Variants in IWS1 observed in about 807,000 individuals in gnomAD.
IWS1 encodes the protein protein IWS1 homolog.
IWS1 carries 27 observed loss-of-function variants against 86.7 expected under a neutral mutation model. The observed-to-expected ratio is 0.31, with a 90% CI of 0.23 to 0.43. IWS1 has a LOEUF of 0.43. Ranked by LOEUF, IWS1 falls within the 20% of genes least tolerant of loss-of-function variation. IWS1 has a pLI of 1.00. For synonymous variants in IWS1, 313 were observed against 335.1 expected (o/e 0.93, Z 0.72); for missense variants, 827 against 1,000.8 (o/e 0.83, Z 2.34).
At position 127,496,019 on chromosome 2, in the gene IWS1, G is replaced by T; in HGVS notation, c.1695C>A (p.Val565=). The T allele has an allele frequency of 6.2e-7, 1 of 1,613,190 alleles. No individual in the cohort carries two copies. The highest frequency in any genetic ancestry group is 2.2e-5 in the East Asian group (1 of 44,812). The part of the protein sequence containing the change: ...DADDVVSAMI[V]KMNEAAEEDR... ...TCACCTCAGCAGCTTCATTCATCTTGACGATCATGGCACTCACGACGTCGT... is the reference window on the plus strand; with the variant it reads ...TCACCTCAGCAGCTTCATTCATCTTTACGATCATGGCACTCACGACGTCGT... Residue 565 remains valine (V), a synonymous_variant, in exon 7 of 14, where the codon GTC becomes GTA. Coordinates refer to ENST00000295321, the MANE Select transcript of IWS1 (RefSeq NM_017969.3).
chr2:127,499,693 T>C lies in IWS1; in HGVS notation c.1468-1456A>G, dbSNP rs1690702278. ...TTCTTATTTCACTATTGTCCTGAAT[T>C]AGATTCTAAATTCATCTACCTTCAC... is the stretch of plus-strand genomic sequence containing the variant. On this transcript the variant is annotated intron_variant, in intron 5 of 13. Transcript: ENST00000295321. This position sits in a 1 kb window ranked among gnomAD's most constrained non-coding sequence, Gnocchi z 4.0. 6.6e-6 allele frequency among the ~76,000 whole-genome samples: 1 copy of C among 152,234 alleles called. No homozygotes were observed. The highest frequency in any genetic ancestry group is 2.4e-5 in the African/African-American group (1 of 41,460).
At chr2:127,513,537 A>C (rs1324212988) in intron 2 of IWS1, among the ~76,000 whole-genome samples, 2 of 152,152 alleles carry the variant, frequency 1.3e-5, no homozygotes, top group Non-Finnish European at 2.9e-5. Flanking sequence ...TTTTTTAGTA[A>C]GGGAATATAA....
At chr2:127,514,391 A>G (rs989530703) in intron 2 of IWS1, 8 of 154,508 alleles carry the variant, frequency 5.2e-5, no homozygotes, top group Non-Finnish European at 1.0e-4. Context: ...CCGCTTACCC[A>G]GCAATGGGGG....
intron 1 of IWS1, 86 bp from the exon 2 acceptor site, chr2:127,523,877 G>A (rs933991550): frequency 9.7e-6 from 9 of 923,958 alleles, no homozygotes; most frequent in African/African-American, 1.6e-5. Flanking sequence ...CAAGAATAAC[G>A]TAAGTGCAAA....
At position 127,523,788 on chromosome 2, in the gene IWS1, T is replaced by C; in HGVS notation, c.38A>G (p.Asp13Gly). The C allele has an allele frequency of 1.9e-6, 3 of 1,607,996 alleles. No homozygotes were observed. The highest frequency in any genetic ancestry group is 1.1e-5 in the South Asian group (1 of 90,098). Residue 13 changes from aspartate to glycine, a missense_variant, in exon 2 of 14, where the codon GAT (aspartate) becomes GGT (glycine). Around this residue, in one of 2 missense-constraint regions of IWS1, gnomAD observed 548 missense variants for 560.2 expected, o/e 0.98. Coordinates refer to ENST00000295321, the MANE Select transcript of IWS1 (RefSeq NM_017969.3). Reference protein sequence around the residue: ...SEYYSGDQSDDGGATPVQDER... With the variant: ...SEYYSGDQSDGGGATPVQDER... ...ATCCTGTACTGGGGTAGCACCACCA[T>C]CATCTGATTAAAAACAAAACAAAAA...
chr2:127,526,084 G>A (rs1173097654), intron 1 of IWS1, 91 bp downstream of exon 1: 9 of 1,281,450 alleles, frequency 7.0e-6, no homozygotes, highest in African/African-American at 4.5e-5. Flanking sequence ...GTTTCGGGGG[G>A]CCTCCTTGCC....
chr2:127,492,155 T>G (rs1231942206), intron 9 of IWS1, 67 bp from the exon 10 acceptor site: 1 of 959,696 alleles, frequency 1.0e-6, no homozygotes, highest in Non-Finnish European at 1.7e-6. Context: ...TAGTCTATTC[T>G]AGAGACCTGG....
chr2:127,487,134 T>G (rs1689971161), intron 12 of IWS1, among the ~76,000 whole-genome samples: 1 of 152,200 alleles, frequency 6.6e-6, no homozygotes, highest in South Asian at 2.1e-4. Flanking sequence ...CATCAATTTT[T>G]AATGTTTATT....
intron 7 of IWS1, among the ~76,000 whole-genome samples, chr2:127,495,311 G>C (rs1347869181): frequency 2.6e-5 from 4 of 152,134 alleles, no homozygotes; most frequent in Non-Finnish European, 5.9e-5. Context: ...GAGGTTATAT[G>C]ATATTGGAAT....
chr2:127,491,448 T>G (rs1573511461), intron 10 of IWS1, among the ~76,000 whole-genome samples: 1 of 2,968 alleles, frequency 3.4e-4, no homozygotes, highest in Admixed American at 6.5e-3. Flanking sequence ...TTACTTGCAA[T>G]TTTTTTTTTT....
rs754124824 is a variant in IWS1 at position 127,498,089 on chromosome 2, T to C, written c.1565+51A>G. 7 of 1,393,218 alleles carry C rather than the reference T, an allele frequency of 5.0e-6. No homozygotes were observed. In the South Asian group the frequency reaches 7.2e-5, roughly 14 times the overall value. The allele number at this position is 1,393,218 out of a possible 1,614,324, so 86.3% of individuals were successfully genotyped here. On this transcript the variant is annotated intron_variant, in intron 6 of 13. Coordinates refer to ENST00000295321, the MANE Select transcript of IWS1 (RefSeq NM_017969.3). The stretch of plus-strand genomic sequence containing the variant: ...AAACAAAAGAGAGTTTAATAGTCTC[T>C]ACCTTGATTTTTAAACTTCTCTTTA...
At chr2:127,503,701 T>TAAATAAATAAATAAATAAATA (rs1395146990) in intron 3 of IWS1, 125 bp from the exon 4 acceptor site, 116 of 326,176 alleles carry the variant, frequency 3.6e-4, no homozygotes, top group African/African-American at 2.8e-3. Flanking sequence ...AATAAATAAA[T>TAAATAAATAAATAAATAAATA]AAATAAAATA....
rs372083331 is a variant in IWS1, at chr2:127,489,912, G to A, written c.2079C>T (p.Thr693=). Reference sequence around the variant, plus strand: ...CTCTTGTCATTCCTTTGTAGTTTGAGGTAAGACCAAATATAGGCCTAGACC... The same window carrying A: ...CTCTTGTCATTCCTTTGTAGTTTGAAGTAAGACCAAATATAGGCCTAGACC... ...NEWSRPIFGL[T]SNYKGMTREE... The change falls in exon 11 of 14, where the codon ACC becomes ACT. Residue 693 remains threonine (T), a synonymous_variant. Transcript: ENST00000295321. The surrounding 1 kb of genome is among the most constrained non-coding windows in gnomAD (Gnocchi z 4.8). The A allele has an allele frequency of 5.0e-6, 8 of 1,609,814 alleles. No homozygotes were observed. The African/African-American group carries it at 9.4e-5, about 19-fold the overall frequency.
intron 2 of IWS1, among the ~76,000 whole-genome samples, chr2:127,520,397 G>A (rs1692030381): frequency 6.6e-6 from 1 of 152,094 alleles, no homozygotes; most frequent in Non-Finnish European, 1.5e-5. Context: ...TCGATCTCTT[G>A]ACCTCATGAT....
chr2:127,498,240 A>G lies in IWS1; in HGVS notation c.1468-3T>C, dbSNP rs1341305493. ...TCCAGATCTTCTTGGTTAAAACCCTAAATGCAAAATTATCACAACCTCCTT... is the reference window on the plus strand; with the variant it reads ...TCCAGATCTTCTTGGTTAAAACCCTGAATGCAAAATTATCACAACCTCCTT... On this transcript the variant is annotated splice_polypyrimidine_tract_variant and splice_region_variant and intron_variant, in intron 5 of 13. Transcript: ENST00000295321. The G allele has an allele frequency of 1.9e-6, 3 of 1,603,498 alleles. No individual in the cohort carries two copies. Among genetic ancestry groups the G allele is most frequent in the African/African-American group, 2.7e-5 (2 of 74,618 alleles).
At chr2:127,511,733 CATAAA>C (rs1169305972) in intron 2 of IWS1, among the ~76,000 whole-genome samples, 5 of 152,244 alleles carry the variant, frequency 3.3e-5, no homozygotes, top group Middle Eastern at 6.8e-3. Context: ...CAATGCTTAA[CATAAA>C]ATAAATGGAA....
chr2:127,513,503 C>T (rs1302112324), intron 2 of IWS1, among the ~76,000 whole-genome samples: 1 of 151,542 alleles, frequency 6.6e-6, no homozygotes, highest in Non-Finnish European at 1.5e-5. Context: ...TAGGAAAAGA[C>T]AATTTGATAC....
chr2:127,526,466 A>T lies in IWS1; in HGVS notation c.-258T>A. 6.5e-7 allele frequency: 1 copy of T among 1,529,850 alleles called. No homozygotes were observed. 94.8% of individuals were successfully genotyped at this position (1,529,850 alleles called of 1,614,324 possible). ...AGCCGGCGTTCTACTTCCTAGAAGC[A>T]CCGCTGGGGCCAAAATGGCGTCTGC... On this transcript the variant is annotated 5_prime_UTR_variant, in exon 1 of 14. Coordinates refer to ENST00000295321, the MANE Select transcript of IWS1 (RefSeq NM_017969.3).
intron 13 of IWS1, chr2:127,482,459 C>A (rs1689679791): frequency 6.6e-6 from 1 of 152,242 alleles, no homozygotes. Flanking sequence ...AGCTATGCCA[C>A]CATCACACTA....
Sources: allele counts gnomAD v4.1 joint callset (sites outside exome capture counted in the v4.1 genomes callset), GRCh38; gene constraint gnomAD v4.1.1; regional missense constraint gnomAD v4.1.1; non-coding constraint Gnocchi (gnomAD v3.1); transcripts MANE v1.5; gene names NCBI Gene and HGNC (gene_info 2026-07-23, HGNC 2026-07-21).